Variants in SIL1 observed in about 807,000 individuals in gnomAD.
The protein encoded by SIL1 is SIL1 nucleotide exchange factor.
In SIL1, 40 loss-of-function variants were observed where a neutral mutation model predicts 49.1. That is an observed-to-expected ratio of 0.81 (90% CI 0.63 to 1.06). SIL1 has a LOEUF of 1.06. Ranked by LOEUF, SIL1 falls within the 50% of genes least tolerant of loss-of-function variation. The pLI is 0.00. For missense variants in SIL1, 500 were observed against 572.6 expected (o/e 0.87, Z 1.29); for synonymous variants, 253 against 250.8 (o/e 1.01, Z -0.08).
intron 1 of SIL1, among the ~76,000 whole-genome samples, chr5:139,129,749 T>C (rs1750823484): frequency 6.6e-6 from 1 of 152,226 alleles, no homozygotes; most frequent in African/African-American, 2.4e-5. Context: ...ATCAAAGACC[T>C]ACATTTAAGA....
At chr5:139,140,947 A>G (rs1415937423) in intron 1 of SIL1, among the ~76,000 whole-genome samples, 2 of 152,142 alleles carry the variant, frequency 1.3e-5, no homozygotes, top group Admixed American at 6.5e-5. Flanking sequence ...CATCTCTGCC[A>G]TGGTCACAGG....
intron 1 of SIL1, among the ~76,000 whole-genome samples, chr5:139,143,599 T>C (rs1480486587): frequency 6.6e-6 from 1 of 151,836 alleles, no homozygotes; most frequent in African/African-American, 2.4e-5. Flanking sequence ...CTCGAACTCC[T>C]GACCTCAGGC....
chr5:139,035,279 G>A, intron 5 of SIL1: 2 of 517,242 alleles, frequency 3.9e-6, no homozygotes, highest in South Asian at 3.0e-5. Flanking sequence ...AGAGTTCTCT[G>A]GCTAAAGATT....
intron 7 of SIL1, among the ~76,000 whole-genome samples, chr5:138,958,569 A>C (rs531008277): frequency 6.6e-6 from 1 of 152,304 alleles, no homozygotes; most frequent in Non-Finnish European, 1.5e-5. Context: ...TAAGCATCTT[A>C]AGTCCAAAAA....
At chr5:138,962,486 TAAC>T (rs1286510217) in intron 7 of SIL1, among the ~76,000 whole-genome samples, 1 of 152,210 alleles carries the variant, frequency 6.6e-6, no homozygotes, top group Non-Finnish European at 1.5e-5. Flanking sequence ...CAGGGATTAA[TAAC>T]AATAATATTT....
chr5:139,193,535 T>A (rs1730040695), intron 1 of SIL1, among the ~76,000 whole-genome samples: 1 of 152,054 alleles, frequency 6.6e-6, no homozygotes, highest in African/African-American at 2.4e-5. Flanking sequence ...ACCACTGCAC[T>A]CCAGCCTGGG....
At chr5:139,120,188 C>T (rs1357710924) in intron 3 of SIL1, among the ~76,000 whole-genome samples, 1 of 152,224 alleles carries the variant, frequency 6.6e-6, no homozygotes, top group Non-Finnish European at 1.5e-5. Context: ...ACTGTGGCAG[C>T]TGCTGGGGCT....
intron 7 of SIL1, among the ~76,000 whole-genome samples, chr5:139,001,089 GA>G (rs1381886765): frequency 5.3e-5 from 8 of 151,910 alleles, no homozygotes; most frequent in Non-Finnish European, 7.4e-5. Flanking sequence ...TGTGGGGGGG[GA>G]AACTACTCAA....
intron 3 of SIL1, among the ~76,000 whole-genome samples, chr5:139,110,202 G>C (rs184927506): frequency 2.6e-5 from 4 of 151,652 alleles, no homozygotes; most frequent in East Asian, 1.9e-4. Flanking sequence ...TGAATGACTT[G>C]ACCAAACTGG....
Position 138,990,193 on chromosome 5 carries a change from T to G in SIL1, c.767+30978A>C, listed in dbSNP as rs1767727476. ...GTGAGCGTACACTTACCCAAGAGTT[T>G]TCCATCTAGACAATGAGGACTGTGG... On this transcript the variant is annotated intron_variant, in intron 7 of 9. Transcript: ENST00000394817. Among the ~76,000 whole-genome samples, 4 of 152,296 alleles carry G rather than the reference T, an allele frequency of 2.6e-5. No individual in the cohort carries two copies. In the South Asian group the frequency reaches 8.3e-4, roughly 32 times the overall value.
At chr5:139,090,309 C>T (rs1459850940) in intron 3 of SIL1, among the ~76,000 whole-genome samples, 2 of 152,194 alleles carry the variant, frequency 1.3e-5, no homozygotes, top group African/African-American at 2.4e-5. Flanking sequence ...TCACCCTCTT[C>T]TACCTGACTG....
At chr5:139,045,636 T>C (rs1769141732) in intron 4 of SIL1, among the ~76,000 whole-genome samples, 1 of 152,236 alleles carries the variant, frequency 6.6e-6, no homozygotes, top group African/African-American at 2.4e-5. Context: ...GATAGATCTG[T>C]ATCTCAAATG....
chr5:139,142,985 G>A (rs1183033891), intron 1 of SIL1, among the ~76,000 whole-genome samples: 1 of 151,764 alleles, frequency 6.6e-6, no homozygotes, highest in African/African-American at 2.4e-5. Context: ...AGCCAGGATG[G>A]TCTCAATCTC....
intron 7 of SIL1, among the ~76,000 whole-genome samples, chr5:138,973,523 G>A (rs931878289): frequency 6.6e-6 from 1 of 152,124 alleles, no homozygotes; most frequent in African/African-American, 2.4e-5. Flanking sequence ...GTACAGTGGT[G>A]TGATCACAGC....
chr5:139,123,163 C>T (rs866794277), intron 2 of SIL1, among the ~76,000 whole-genome samples: 21 of 152,290 alleles, frequency 1.4e-4, no homozygotes, highest in African/African-American at 4.6e-4. Flanking sequence ...AGGTCACCTG[C>T]GCAGCCTGGT....
Position 139,072,584 on chromosome 5 carries a change from A to G in SIL1, c.245-21538T>C, listed in dbSNP as rs1325247561. Among the ~76,000 whole-genome samples, 8 of 152,346 alleles carry G rather than the reference A, an allele frequency of 5.3e-5. No homozygotes were observed. In the East Asian group the frequency reaches 5.8e-4, roughly 11 times the overall value. Reference sequence around the variant, plus strand: ...ATCAAAATAGATTGAAGACTTAAATATAAGACCCCAAACCATGAAACTACT... The same window carrying G: ...ATCAAAATAGATTGAAGACTTAAATGTAAGACCCCAAACCATGAAACTACT... On this transcript the variant is annotated intron_variant, in intron 3 of 9. Coordinates refer to ENST00000394817, the MANE Select transcript of SIL1 (RefSeq NM_022464.5).
chr5:138,951,630 C>T (rs1766780480), intron 8 of SIL1, among the ~76,000 whole-genome samples, 158 bp downstream of exon 8: 1 of 152,242 alleles, frequency 6.6e-6, no homozygotes, highest in Non-Finnish European at 1.5e-5. Context: ...CGGCACACTG[C>T]CATCTGCTTT....
chr5:139,188,262 T>C (rs1752110985), intron 1 of SIL1, among the ~76,000 whole-genome samples: 1 of 152,104 alleles, frequency 6.6e-6, no homozygotes, highest in Non-Finnish European at 1.5e-5. Flanking sequence ...GGCGCTTCTG[T>C]AATAATTCTG....
intron 7 of SIL1, among the ~76,000 whole-genome samples, chr5:139,010,185 C>T (rs1418504835): frequency 1.4e-5 from 2 of 146,542 alleles, no homozygotes; most frequent in Non-Finnish European, 3.0e-5. Context: ...TTTCTCTAAA[C>T]TTCCCTTCTC....
Sources: allele counts gnomAD v4.1 joint callset (sites outside exome capture counted in the v4.1 genomes callset), GRCh38; gene constraint gnomAD v4.1.1; transcripts MANE v1.5; gene names NCBI Gene and HGNC (gene_info 2026-07-23, HGNC 2026-07-21).